FLT1: variants seen among roughly 807,000 people sequenced by gnomAD.
FLT1 encodes vascular endothelial growth factor receptor 1.
In FLT1, 49 loss-of-function variants were observed where a neutral mutation model predicts 156.3. That is an observed-to-expected ratio of 0.31 (90% CI 0.25 to 0.40). FLT1 has a LOEUF of 0.40. FLT1 is among the 10% of genes least tolerant of loss of function. The pLI, the probability that FLT1 is intolerant of heterozygous loss-of-function variation, is 1.00. For synonymous variants in FLT1, 594 were observed against 583.8 expected, an observed-to-expected ratio of 1.02 and a Z score of -0.25; for missense variants, 1,322 against 1,637.2, an observed-to-expected ratio of 0.81 and a Z score of 3.32.
chr13:28,487,871 G>A (rs142983134), intron 1 of FLT1, among the ~76,000 whole-genome samples: 7 of 151,754 alleles, frequency 4.6e-5, no homozygotes, highest in East Asian at 1.9e-4. Context: ...CCTTGATCTC[G>A]CCACCCATGA....
intron 10 of FLT1, among the ~76,000 whole-genome samples, chr13:28,406,658 A>ATTAT (rs1566009038): frequency 5.8e-4 from 4 of 6,894 alleles, no homozygotes; most frequent in African/African-American, 6.3e-4. Context: ...ATTATTATTA[A>ATTAT]TATTAGAGAC....
intron 1 of FLT1, among the ~76,000 whole-genome samples, chr13:28,473,371 G>A (rs561784392): frequency 2.0e-5 from 3 of 151,876 alleles, no homozygotes; most frequent in African/African-American, 4.9e-5. Flanking sequence ...CAGGCCCAGC[G>A]CAGTGGCTCA....
At chr13:28,404,589 C>T (rs997382230) in intron 11 of FLT1, among the ~76,000 whole-genome samples, 16 of 152,118 alleles carry the variant, frequency 1.1e-4, no homozygotes, top group African/African-American at 3.6e-4. Context: ...GCAAAGTGTA[C>T]GGCTGAATAG....
At chr13:28,358,896 G>A (rs998949829) in intron 14 of FLT1, among the ~76,000 whole-genome samples, 29 of 152,152 alleles carry the variant, frequency 1.9e-4, no homozygotes, top group Non-Finnish European at 3.8e-4. Flanking sequence ...CATAGAAGAG[G>A]TGGGCCTCGA....
intron 1 of FLT1, among the ~76,000 whole-genome samples, chr13:28,490,859 C>T (rs573051758): frequency 6.6e-6 from 1 of 152,300 alleles, no homozygotes; most frequent in Admixed American, 6.5e-5. Context: ...CCCAACACAC[C>T]CCTAACTGTG....
At chr13:28,330,132 G>A (rs1871865916) in intron 18 of FLT1, among the ~76,000 whole-genome samples, 1 of 152,244 alleles carries the variant, frequency 6.6e-6, no homozygotes, top group Non-Finnish European at 1.5e-5. Flanking sequence ...CCTTTGGGGA[G>A]TCACAGAGAA....
chr13:28,409,353 CTTT>C (rs60544619), intron 10 of FLT1, among the ~76,000 whole-genome samples: 1 of 143,236 alleles, frequency 7.0e-6, no homozygotes, highest in Non-Finnish European at 1.5e-5. Context: ...TTCTTTCTTT[CTTT>C]TTTTTTTTTT....
At chr13:28,349,643 A>C (rs550732825) in intron 15 of FLT1, among the ~76,000 whole-genome samples, 1 of 152,268 alleles carries the variant, frequency 6.6e-6, no homozygotes, top group African/African-American at 2.4e-5. Flanking sequence ...TCCCGCATGG[A>C]ATGCACTAAG....
At chr13:28,452,863 A>G (rs1316791197) in intron 3 of FLT1, among the ~76,000 whole-genome samples, 3 of 151,928 alleles carry the variant, frequency 2.0e-5, no homozygotes, top group Admixed American at 6.6e-5. Flanking sequence ...AAAGATGATG[A>G]CAATGAAGTG....
At chr13:28,487,786 G>A (rs970271363) in intron 1 of FLT1, among the ~76,000 whole-genome samples, 3 of 152,050 alleles carry the variant, frequency 2.0e-5, no homozygotes, top group Non-Finnish European at 1.5e-5. Context: ...CAAAAGGCTT[G>A]TAGAACTTTA....
intron 15 of FLT1, among the ~76,000 whole-genome samples, chr13:28,353,572 CAAA>C (rs34155046): frequency 2.4e-5 from 3 of 123,448 alleles, no homozygotes; most frequent in Non-Finnish European, 1.6e-5. Context: ...GACTGTGTCT[CAAA>C]AAAAAAAAAA....
chr13:28,318,952 A>G (rs1871321768), intron 24 of FLT1, among the ~76,000 whole-genome samples: 1 of 152,190 alleles, frequency 6.6e-6, no homozygotes, highest in South Asian at 2.1e-4. Context: ...ATGTGTTCAT[A>G]TCAGAGGCAC....
At chr13:28,451,220 C>A (rs553102072) in intron 3 of FLT1, among the ~76,000 whole-genome samples, 6 of 152,052 alleles carry the variant, frequency 3.9e-5, no homozygotes, top group African/African-American at 1.4e-4. Context: ...CTCAGGAGTT[C>A]GAGACCAGCC....
intron 14 of FLT1, among the ~76,000 whole-genome samples, chr13:28,372,591 T>C (rs1434831877): frequency 3.0e-5 from 4 of 134,274 alleles, no homozygotes; most frequent in Non-Finnish European, 6.4e-5. Flanking sequence ...TATATATATA[T>C]ATATATATAT....
At chr13:28,304,781 A>G (rs1370214442) in intron 29 of FLT1, among the ~76,000 whole-genome samples, 1 of 152,204 alleles carries the variant, frequency 6.6e-6, no homozygotes, top group Non-Finnish European at 1.5e-5. Flanking sequence ...AAAAGGAATC[A>G]TGCAATAGGA....
At chr13:28,404,806 G>A (rs927038619) in intron 11 of FLT1, among the ~76,000 whole-genome samples, 8 of 152,208 alleles carry the variant, frequency 5.3e-5, no homozygotes, top group East Asian at 1.9e-4. Flanking sequence ...GATCACCTGA[G>A]GTCAGGAGTT....
Position 28,319,239 on chromosome 13 carries a change from T to C in FLT1, c.3286+184A>G, listed in dbSNP as rs150069709. Among the ~76,000 whole-genome samples, 33 of 152,314 alleles carry C rather than the reference T, an allele frequency of 2.2e-4. No individual in the cohort carries two copies. The East Asian group carries it at 6.2e-3, about 28-fold the overall frequency. On this transcript the variant is annotated intron_variant, in intron 24 of 29. Transcript: ENST00000282397. ...TGTTCATGATCATATAAAGCCCTTT[T>C]ACAGTAGAGGGCAGACATGCGTACG...
Position 28,303,088 on chromosome 13 carries a change from T to C in FLT1, c.*79A>G. The C allele has an allele frequency of 7.7e-7, 1 of 1,296,590 alleles. No homozygotes were observed. Among genetic ancestry groups the C allele is most frequent in the East Asian group, 2.3e-5 (1 of 43,196 alleles). The allele number at this position is 1,296,590 out of a possible 1,614,324, so 80.3% of individuals were successfully genotyped here. On this transcript the variant is annotated 3_prime_UTR_variant, in exon 30 of 30. Transcript: ENST00000282397. ...AAAGATAAAGGTGTAAACTTATATATGCATAATACTGGCAAAAGCTAGTTT... is the reference window on the plus strand; with the variant it reads ...AAAGATAAAGGTGTAAACTTATATACGCATAATACTGGCAAAAGCTAGTTT...
chr13:28,396,149 C>T (rs1021294779), intron 12 of FLT1, among the ~76,000 whole-genome samples: 8 of 152,192 alleles, frequency 5.3e-5, no homozygotes, highest in Admixed American at 2.0e-4. Flanking sequence ...GGCTAACTTG[C>T]CAGAGGCCCC....
Sources: allele counts gnomAD v4.1 joint callset (sites outside exome capture counted in the v4.1 genomes callset), GRCh38; gene constraint gnomAD v4.1.1; transcripts MANE v1.5; gene names NCBI Gene and HGNC (gene_info 2026-07-23, HGNC 2026-07-21).